The following FNTB variants were observed in gnomAD, a reference collection of about 807,000 sequenced individuals.
FNTB encodes farnesyltransferase, CAAX box, subunit beta.
In FNTB, 27 loss-of-function variants were observed where a neutral mutation model predicts 59.4. The observed-to-expected ratio is 0.45, with a 90% CI of 0.34 to 0.63. The LOEUF (loss-of-function observed/expected upper bound fraction) is 0.63. Among genes scored for constraint, FNTB ranks in the 20% least tolerant of loss-of-function variants. The probability of loss-of-function intolerance (pLI) is 0.02; values close to 1 mark genes in which losing one functional copy is unlikely to be tolerated. For missense variants in FNTB, 449 were observed against 559.6 expected (o/e 0.80, Z 1.99); for synonymous variants, 230 against 220.7 (o/e 1.04, Z -0.37).
rs370980867 is a variant in FNTB at position 65,034,108 on chromosome 14, A to G, written c.692+1412A>G. On this transcript the variant is annotated intron_variant, in intron 7 of 11. Transcript: ENST00000246166. ...AATTCCTTCCCAAATTGTCTGTCAG[A>G]GCTATAAAAAATTACTCTAAACATA... is the stretch of plus-strand genomic sequence containing the variant. 2.2e-4 allele frequency among the ~76,000 whole-genome samples: 34 copies of G among 152,248 alleles called. 1 individual carries two copies. Among genetic ancestry groups the G allele is most frequent in the African/African-American group, 7.9e-4 (33 of 41,534 alleles).
Position 64,987,197 on chromosome 14 carries a change from C to G in FNTB, c.144+100C>G, listed in dbSNP as rs1378166723. ...GGGTGCGGAACTCACCGGGGAACTA[C>G]GACTCCCACAGCGCACCGCGGTGCC... On this transcript the variant is annotated intron_variant, in intron 1 of 11. Transcript: ENST00000246166. The G allele has an allele frequency of 8.7e-6, 12 of 1,385,752 alleles. No homozygotes were observed. The African/African-American group carries it at 1.7e-4, about 20-fold the overall frequency. The allele number at this position is 1,385,752 out of a possible 1,614,324, so 85.8% of individuals were successfully genotyped here.
rs1888614577 is a variant in FNTB at position 65,001,910 on chromosome 14, A to G, written c.145-2339A>G. On this transcript the variant is annotated intron_variant, in intron 1 of 11. Coordinates refer to ENST00000246166, the MANE Select transcript of FNTB (RefSeq NM_002028.4). This position sits in a 1 kb window ranked among gnomAD's most constrained non-coding sequence, Gnocchi z 5.5. ...TTTTTGAAGTATTATAACCTTTTAA[A>G]CAGATCATCCTTCAAATTCATGTTC... Among the ~76,000 whole-genome samples, 2 of 152,306 alleles carry G rather than the reference A, an allele frequency of 1.3e-5. No homozygotes were observed. Among genetic ancestry groups the G allele is most frequent in the Admixed American group, 6.5e-5 (1 of 15,292 alleles).
Position 65,029,636 on chromosome 14 carries a change from C to G in FNTB, c.605+1855C>G, listed in dbSNP as rs1307624820. Among the ~76,000 whole-genome samples the G allele has an allele frequency of 2.6e-5, 4 of 152,298 alleles. No homozygotes were observed. Among genetic ancestry groups the G allele is most frequent in the Non-Finnish European group, 4.4e-5 (3 of 68,032 alleles). Reference sequence around the variant, plus strand: ...GTGAGGATAAGGTGGAGGCAGGGATCTAGCATTTGCAGAAGTTTGGTGAGA... The same window carrying G: ...GTGAGGATAAGGTGGAGGCAGGGATGTAGCATTTGCAGAAGTTTGGTGAGA... On this transcript the variant is annotated intron_variant, in intron 6 of 11. Coordinates refer to ENST00000246166, the MANE Select transcript of FNTB (RefSeq NM_002028.4). The surrounding 1 kb of genome is among the most constrained non-coding windows in gnomAD (Gnocchi z 4.7).
intron 9 of FNTB, among the ~76,000 whole-genome samples, chr14:65,051,523 A>G (rs909197820): frequency 1.3e-5 from 2 of 151,868 alleles, no homozygotes; most frequent in Admixed American, 1.3e-4. Flanking sequence ...AGGCAGGACA[A>G]TCGCTTGAAC....
chr14:65,027,350 A>G lies in FNTB; in HGVS notation c.375-103A>G. ...GAGGAGAGGTTCCCCTCAACTTTTG[A>G]GGGAGTGGGGGATCATTGGAAAGGC... On this transcript the variant is annotated intron_variant, in intron 4 of 11. Coordinates refer to ENST00000246166, the MANE Select transcript of FNTB (RefSeq NM_002028.4). This position sits in a 1 kb window ranked among gnomAD's most constrained non-coding sequence, Gnocchi z 5.7. 1.3e-6 allele frequency: 2 copies of G among 1,540,598 alleles called. No individual in the cohort carries two copies. The highest frequency in any genetic ancestry group is 3.8e-5 in the Admixed American group (2 of 52,428).
rs1326112257 is a variant in FNTB, at chr14:64,990,471, GCGGAGCTCTTTGTCTCCCTCC to G, written c.144+3376_144+3396del. On this transcript the variant is annotated intron_variant, in intron 1 of 11. Coordinates refer to ENST00000246166, the MANE Select transcript of FNTB (RefSeq NM_002028.4). This position sits in a 1 kb window ranked among gnomAD's most constrained non-coding sequence, Gnocchi z 5.2. Reference sequence around the variant, plus strand: ...ACATTTCCTGTCATGTGCCTTCTCTGCGGAGCTCTTTGTCTCCCTCCCTCTCCATCCTTCACACCTTCAGGT... The same window carrying G: ...ACATTTCCTGTCATGTGCCTTCTCTGCTCTCCATCCTTCACACCTTCAGGT... 1.3e-5 allele frequency among the ~76,000 whole-genome samples: 2 copies of G among 152,160 alleles called. No homozygotes were observed. Among genetic ancestry groups the G allele is most frequent in the Non-Finnish European group, 2.9e-5 (2 of 68,040 alleles).
chr14:65,013,616 C>A (rs918411014), intron 3 of FNTB, among the ~76,000 whole-genome samples: 4 of 152,200 alleles, frequency 2.6e-5, no homozygotes, highest in Admixed American at 2.6e-4. Context: ...GTGGCATGAT[C>A]GTGAGTCACT....
rs374598927 is a variant in FNTB at position 65,032,625 on chromosome 14, T to A, written c.621T>A (p.Ala207=). Residue 207 remains alanine (A), a synonymous_variant, in exon 7 of 12, where the codon GCT becomes GCA. Coordinates refer to ENST00000246166, the MANE Select transcript of FNTB (RefSeq NM_002028.4). This position sits in a 1 kb window ranked among gnomAD's most constrained non-coding sequence, Gnocchi z 5.0. ...GTCTTTCCAGAAGCGCATACTGTGC[T>A]GCCTCCGTAGCCTCGCTGACCAACA... ...GEVDVRSAYC[A]ASVASLTNII... The A allele has an allele frequency of 1.2e-6, 2 of 1,613,856 alleles. No homozygotes were observed. Among genetic ancestry groups the A allele is most frequent in the African/African-American group, 1.3e-5 (1 of 74,932 alleles).
At chr14:65,025,156 C>T (rs2061956887) in intron 4 of FNTB, among the ~76,000 whole-genome samples, 1 of 152,168 alleles carries the variant, frequency 6.6e-6, no homozygotes, top group Non-Finnish European at 1.5e-5. Context: ...TCAGATGCAG[C>T]ATGTCAGCTG....
intron 7 of FNTB, among the ~76,000 whole-genome samples, chr14:65,035,832 CTT>C (rs879845454): frequency 2.1e-5 from 3 of 144,718 alleles, no homozygotes; most frequent in African/African-American, 2.5e-5. Flanking sequence ...CTGCGCCCAG[CTT>C]TTTTTTTTTT....
chr14:65,046,206 C>A (rs559201103), intron 9 of FNTB, among the ~76,000 whole-genome samples: 53 of 152,252 alleles, frequency 3.5e-4, no homozygotes, highest in African/African-American at 1.3e-3. Context: ...GAACTCCTGA[C>A]CTCAGGTGAT....
intron 7 of FNTB, among the ~76,000 whole-genome samples, chr14:65,038,561 T>C (rs1233310332): frequency 6.7e-6 from 1 of 148,352 alleles, no homozygotes; most frequent in Non-Finnish European, 1.5e-5. Flanking sequence ...TTACTAAAAA[T>C]ACAAAAATTA....
At chr14:65,040,753 C>T (rs1188919611) in intron 7 of FNTB, 37 bp from the exon 8 acceptor site, 5 of 1,603,824 alleles carry the variant, frequency 3.1e-6, no homozygotes, top group African/African-American at 1.3e-5. Flanking sequence ...CGTCCACTCA[C>T]TGGCCACTCA....
Position 65,004,288 on chromosome 14 carries a change from T to C in FNTB, c.184T>C (p.Tyr62His). The C allele has an allele frequency of 6.2e-7, 1 of 1,613,320 alleles. No individual in the cohort carries two copies. Residue 62 changes from tyrosine (Y) to histidine (H), a missense_variant, in exon 2 of 12, where the codon TAC (tyrosine) becomes CAC (histidine). Coordinates refer to ENST00000246166, the MANE Select transcript of FNTB (RefSeq NM_002028.4). ...AAAGATCCAAGAGGTCTTCAGTTCT[T>C]ACAAGTTCAACCACCTTGTACCAAG... Reference protein sequence around the residue: ...EEKIQEVFSSYKFNHLVPRLV... With the variant: ...EEKIQEVFSSHKFNHLVPRLV...
Position 65,009,188 on chromosome 14 carries a change from A to G in FNTB, c.210-3129A>G, listed in dbSNP as rs984744999. 6.6e-6 allele frequency among the ~76,000 whole-genome samples: 1 copy of G among 152,170 alleles called. No individual in the cohort carries two copies. Among genetic ancestry groups the G allele is most frequent in the Non-Finnish European group, 1.5e-5 (1 of 68,028 alleles). ...AGGGTATTAGTCAGCTTGGGCTGCC[A>G]TAAGACGGTATCACAGATGGGGTGC... On this transcript the variant is annotated intron_variant, in intron 2 of 11. Transcript: ENST00000246166. This position sits in a 1 kb window ranked among gnomAD's most constrained non-coding sequence, Gnocchi z 4.2.
intron 1 of FNTB, among the ~76,000 whole-genome samples, chr14:64,999,513 G>A (rs1888523579): frequency 6.6e-6 from 1 of 152,146 alleles, no homozygotes; most frequent in Non-Finnish European, 1.5e-5. Flanking sequence ...GAGGTGGGGG[G>A]TTACTTTTCA....
intron 1 of FNTB, chr14:65,003,731 A>G (rs113589036): frequency 0.037 from 5,711 of 152,308 alleles, 143 homozygotes; most frequent in Middle Eastern, 0.085. Context: ...CTCCATTGAT[A>G]ATAGTTTCCT....
rs530855700 is a variant in FNTB at position 65,026,778 on chromosome 14, C to T, written c.375-675C>T. Among the ~76,000 whole-genome samples, 255 of 152,056 alleles carry T rather than the reference C, an allele frequency of 1.7e-3. 1 individual carries two copies. Among genetic ancestry groups the T allele is most frequent in the African/African-American group, 5.9e-3 (245 of 41,496 alleles). On this transcript the variant is annotated intron_variant, in intron 4 of 11. Transcript: ENST00000246166. ...TTGGAAGGGTGAGGCAAAAGAATCT[C>T]TTGAACCTGGGAGACGGATGCTGCA...
At chr14:65,056,027 A>T (rs2062729013) in intron 11 of FNTB, among the ~76,000 whole-genome samples, 1 of 152,094 alleles carries the variant, frequency 6.6e-6, no homozygotes, top group Non-Finnish European at 1.5e-5. Context: ...CCCTGTCCCA[A>T]ATTTGACATG....
Sources: allele counts gnomAD v4.1 joint callset (sites outside exome capture counted in the v4.1 genomes callset), GRCh38; gene constraint gnomAD v4.1.1; non-coding constraint Gnocchi (gnomAD v3.1); transcripts MANE v1.5; gene names NCBI Gene and HGNC (gene_info 2026-07-23, HGNC 2026-07-21).